POLN: variants seen among roughly 807,000 people sequenced by gnomAD.
POLN encodes the protein DNA polymerase N.
POLN carries 108 observed loss-of-function variants against 113.5 expected under a neutral mutation model. The observed-to-expected ratio is 0.95, with a 90% confidence interval of 0.81 to 1.12. POLN has a LOEUF of 1.12. Among genes scored for constraint, POLN ranks in the 50% most tolerant of loss-of-function variants. The pLI is 0.00. For missense variants in POLN, 1,097 were observed against 1,077.1 expected, an observed-to-expected ratio of 1.02 and a Z score of -0.26; for synonymous variants, 386 against 391.5, an observed-to-expected ratio of 0.99 and a Z score of 0.17.
At chr4:2,135,574 T>A (rs1011564081) in intron 16 of POLN, among the ~76,000 whole-genome samples, 1 of 152,170 alleles carries the variant, frequency 6.6e-6, no homozygotes, top group Non-Finnish European at 1.5e-5. Context: ...GGTGTCTACG[T>A]GAGCAATTAG....
intron 16 of POLN, among the ~76,000 whole-genome samples, chr4:2,143,024 C>T (rs575338598): frequency 6.6e-6 from 1 of 152,086 alleles, no homozygotes; most frequent in Middle Eastern, 3.4e-3. Flanking sequence ...AACTCTGATG[C>T]AATTTTTTTT....
intron 16 of POLN, chr4:2,156,296 T>C (rs1269010003): frequency 2.8e-6 from 1 of 359,418 alleles, no homozygotes; most frequent in African/African-American, 2.1e-5. Flanking sequence ...CTTTTTTAGT[T>C]CAAAATACAG....
Position 2,157,929 on chromosome 4 carries a change from G to T in POLN, c.1612-18C>A. The T allele has an allele frequency of 6.3e-7, 1 of 1,586,042 alleles. No homozygotes were observed. The highest frequency in any genetic ancestry group is 8.6e-7 in the Non-Finnish European group (1 of 1,157,508). ...TTGTGAACCTAAGGTGGAAAGACAAGAATAATCATTTTCTTTAAGTCTTAA... is the reference window on the plus strand; with the variant it reads ...TTGTGAACCTAAGGTGGAAAGACAATAATAATCATTTTCTTTAAGTCTTAA... On this transcript the variant is annotated intron_variant, in intron 14 of 25. Coordinates refer to ENST00000511885, the MANE Select transcript of POLN (RefSeq NM_181808.4).
At position 2,081,045 on chromosome 4, in the gene POLN, C is replaced by G. The variant is rs373830336; in HGVS notation, c.2309-9G>C. On this transcript the variant is annotated splice_polypyrimidine_tract_variant and intron_variant, in intron 22 of 25. Transcript: ENST00000511885. Reference sequence around the variant, plus strand: ...GAGGTCAGCAGCGGAGCCTATGGGGCGCGTGGTACTGTCTTGAGGTCCCAT... The same window carrying G: ...GAGGTCAGCAGCGGAGCCTATGGGGGGCGTGGTACTGTCTTGAGGTCCCAT... 1.9e-6 allele frequency: 3 copies of G among 1,613,484 alleles called. No homozygotes were observed. Among genetic ancestry groups the G allele is most frequent in the Non-Finnish European group, 2.5e-6 (3 of 1,179,966 alleles).
At chr4:2,079,914 G>A (rs1327548341) in intron 23 of POLN, 30 of 985,610 alleles carry the variant, frequency 3.0e-5, no homozygotes, top group Non-Finnish European at 3.6e-5. Flanking sequence ...CCCCACTCCT[G>A]CCTTCTGACC....
chr4:2,123,215 G>A (rs190607040), intron 19 of POLN, among the ~76,000 whole-genome samples: 23 of 152,186 alleles, frequency 1.5e-4, no homozygotes, highest in East Asian at 9.7e-4. Context: ...TCAGCTGGGC[G>A]TGGTGGTTCA....
chr4:2,121,366 C>T (rs941850896), intron 19 of POLN, among the ~76,000 whole-genome samples: 24 of 149,978 alleles, frequency 1.6e-4, no homozygotes, highest in African/African-American at 5.9e-4. Flanking sequence ...ACCTGGGAAG[C>T]GGAGGTTGCA....
At position 2,085,646 on chromosome 4, in the gene POLN, C is replaced by T. The variant is rs142483063; in HGVS notation, c.2164G>A (p.Ala722Thr). Reference protein sequence around the residue: ...LQKYKKIKDFARAAIAQCHQT... With the variant: ...LQKYKKIKDFTRAAIAQCHQT... The stretch of plus-strand genomic sequence containing the variant: ...TGACACTGGGCAATAGCTGCTCGGG[C>T]GAAGTCCTTGATTTTCTTGTACTTC... Residue 722 changes from alanine to threonine, a missense_variant, in exon 21 of 26, where the codon GCC becomes ACC. Physicochemically the swap from Ala to Thr is moderately conservative, Grantham distance 58 (BLOSUM62 0). Coordinates refer to ENST00000511885, the MANE Select transcript of POLN (RefSeq NM_181808.4). The T allele has an allele frequency of 2.3e-5, 37 of 1,613,974 alleles. No homozygotes were observed. In the African/African-American group the frequency reaches 2.7e-4, roughly 12 times the overall value.
intron 3 of POLN, among the ~76,000 whole-genome samples, chr4:2,221,700 C>G (rs1018744758): frequency 3.3e-5 from 5 of 152,138 alleles, no homozygotes; most frequent in African/African-American, 4.8e-5. Flanking sequence ...CTCATCCTCC[C>G]GAGCAGCTGG....
chr4:2,088,861 G>A, intron 20 of POLN: 1 of 1,465,902 alleles, frequency 6.8e-7, no homozygotes, highest in Non-Finnish European at 9.3e-7. Context: ...AAGTCTTACA[G>A]AGGTCAAGGG....
At chr4:2,172,469 T>C (rs1732888068) in intron 11 of POLN, among the ~76,000 whole-genome samples, 1 of 152,202 alleles carries the variant, frequency 6.6e-6, no homozygotes, top group Non-Finnish European at 1.5e-5. Flanking sequence ...CCCCTTCCTC[T>C]CTTCAGAACA....
intron 16 of POLN, among the ~76,000 whole-genome samples, chr4:2,145,985 G>C (rs1284329914): frequency 6.6e-6 from 1 of 151,270 alleles, no homozygotes; most frequent in Non-Finnish European, 1.5e-5. Flanking sequence ...ACATAATGTT[G>C]AATGAAAACA....
chr4:2,150,155 C>G (rs1420899184), intron 16 of POLN, among the ~76,000 whole-genome samples: 7 of 151,958 alleles, frequency 4.6e-5, no homozygotes. Flanking sequence ...CACATACACA[C>G]ACACACAAAT....
At chr4:2,084,698 G>C (rs975268162) in intron 21 of POLN, among the ~76,000 whole-genome samples, 1 of 152,206 alleles carries the variant, frequency 6.6e-6, no homozygotes, top group Non-Finnish European at 1.5e-5. Context: ...GAGGGTCCAC[G>C]AGGCTGCCAC....
At chr4:2,197,044 CGA>C (rs1327423590) in intron 6 of POLN, among the ~76,000 whole-genome samples, 1 of 152,148 alleles carries the variant, frequency 6.6e-6, no homozygotes, top group Non-Finnish European at 1.5e-5. Flanking sequence ...AAGCAGACCT[CGA>C]GGGCGAGGGC....
intron 19 of POLN, among the ~76,000 whole-genome samples, chr4:2,101,150 A>C (rs1430164913): frequency 6.7e-6 from 1 of 149,428 alleles, no homozygotes; most frequent in Non-Finnish European, 1.5e-5. Context: ...CTAAACATGA[A>C]AAAAAAAAAT....
chr4:2,199,760 G>T (rs1577765010), intron 5 of POLN, among the ~76,000 whole-genome samples: 1 of 139,918 alleles, frequency 7.1e-6, no homozygotes, highest in Non-Finnish European at 1.5e-5. Flanking sequence ...TTGTATTTTA[G>T]TAGAGACGGG....
chr4:2,194,674 A>G (rs1194778908), intron 6 of POLN, among the ~76,000 whole-genome samples: 1 of 152,174 alleles, frequency 6.6e-6, no homozygotes, highest in East Asian at 1.9e-4. Flanking sequence ...CGCTAATAAG[A>G]GATTATTTTT....
intron 19 of POLN, among the ~76,000 whole-genome samples, chr4:2,116,211 T>C (rs1731313701): frequency 1.3e-5 from 2 of 152,364 alleles, no homozygotes; most frequent in East Asian, 1.9e-4. Flanking sequence ...AGTTGATAAA[T>C]GGATGTGCTC....
Sources: gnomAD v4.1 joint callset for allele counts (sites outside exome capture counted in the v4.1 genomes callset) on GRCh38, gnomAD v4.1.1 for gene constraint, MANE v1.5 for transcripts, NCBI Gene and HGNC (gene_info 2026-07-23, HGNC 2026-07-21) for gene names.